Variants in NLK observed in about 807,000 individuals in gnomAD.
The protein encoded by NLK is nemo like kinase, also known as serine/threonine-protein kinase NLK.
NLK carries 11 observed loss-of-function variants against 59.0 expected under a neutral mutation model. The ratio of observed to expected loss-of-function variants is 0.19; its 90% CI spans 0.12 to 0.31. The LOEUF (loss-of-function observed/expected upper bound fraction) is 0.31. Among genes scored for constraint, NLK ranks in the 10% least tolerant of loss-of-function variants. The pLI, the probability that NLK is intolerant of heterozygous loss-of-function variation, is 1.00. For synonymous variants in NLK, 235 were observed against 235.9 expected (o/e 1.00, Z 0.03); for missense variants, 410 against 661.1 (o/e 0.62, Z 4.16).
intron 1 of NLK, 53 bp from the exon 2 acceptor site, chr17:28,122,550 G>A: frequency 6.3e-7 from 1 of 1,596,388 alleles, no homozygotes; most frequent in Non-Finnish European, 8.6e-7. Context: ...AACAAGGTGT[G>A]GAACTGATTT....
At chr17:28,124,514 G>C (rs1328480942) in intron 2 of NLK, among the ~76,000 whole-genome samples, 1 of 151,804 alleles carries the variant, frequency 6.6e-6, no homozygotes. Context: ...TGCAGAGCAG[G>C]ACTCCATCTC....
At chr17:28,073,469 T>A (rs1253502131) in intron 1 of NLK, among the ~76,000 whole-genome samples, 1 of 152,220 alleles carries the variant, frequency 6.6e-6, no homozygotes, top group African/African-American at 2.4e-5. Flanking sequence ...TATATTTCTT[T>A]CTTGTTTCTG....
chr17:28,042,863 A>G lies in NLK; in HGVS notation c.-11A>G, dbSNP rs1209456237. On this transcript the variant is annotated 5_prime_UTR_variant, in exon 1 of 11. Coordinates refer to ENST00000407008, the MANE Select transcript of NLK (RefSeq NM_016231.5). ...CCAGTTTGCTTTCCAATCAAAGGGC[A>G]TTTATTTTGAATGTCTCTTTGTGGC... 6.7e-7 allele frequency: 1 copy of G among 1,482,040 alleles called. No homozygotes were observed. The highest frequency in any genetic ancestry group is 2.3e-5 in the Admixed American group (1 of 43,256). The allele number at this position is 1,482,040 out of a possible 1,614,324, so 91.8% of individuals were successfully genotyped here.
intron 3 of NLK, among the ~76,000 whole-genome samples, chr17:28,156,464 G>A (rs1467622837): frequency 6.6e-6 from 1 of 152,010 alleles, no homozygotes; most frequent in African/African-American, 2.4e-5. Context: ...TTTGAATAAG[G>A]TTCTAAACAA....
At chr17:28,146,840 C>G (rs1907276320) in intron 3 of NLK, among the ~76,000 whole-genome samples, 1 of 152,110 alleles carries the variant, frequency 6.6e-6, no homozygotes, top group Non-Finnish European at 1.5e-5. Context: ...CACACTAAGA[C>G]CTTTGACTAA....
chr17:28,201,458 A>T, the NLK span, among the ~76,000 whole-genome samples: 1 of 149,220 alleles, frequency 6.7e-6, no homozygotes, highest in East Asian at 2.0e-4. Context: ...GAGGAAGAAT[A>T]GCTTGAACCC....
At chr17:28,186,804 G>A (rs998751842) in intron 8 of NLK, among the ~76,000 whole-genome samples, 8 of 152,174 alleles carry the variant, frequency 5.3e-5, no homozygotes, top group African/African-American at 1.4e-4. Context: ...TGAGATTTGG[G>A]TGGGGACACA....
intron 3 of NLK, among the ~76,000 whole-genome samples, chr17:28,145,190 T>A (rs1197998455): frequency 6.6e-6 from 1 of 152,190 alleles, no homozygotes; most frequent in South Asian, 2.1e-4. Context: ...AAAGAAAATA[T>A]GATTTGCATG....
chr17:28,126,182 A>G (rs1906282215), intron 2 of NLK, among the ~76,000 whole-genome samples: 1 of 152,250 alleles, frequency 6.6e-6, no homozygotes, highest in African/African-American at 2.4e-5. Flanking sequence ...ATGGTTAAAC[A>G]TTAAGCCAGG....
At chr17:28,156,919 G>GT (rs1311361747) in intron 3 of NLK, among the ~76,000 whole-genome samples, 6 of 151,840 alleles carry the variant, frequency 4.0e-5, no homozygotes, top group South Asian at 2.1e-4. Context: ...CAAAACCGTG[G>GT]TTTTTTTTCT....
At chr17:28,199,401 C>G (rs1022013125), downstream of NLK, among the ~76,000 whole-genome samples, 3 of 152,064 alleles carry the variant, frequency 2.0e-5, no homozygotes, top group Non-Finnish European at 4.4e-5. Flanking sequence ...TGCAGTGGCT[C>G]ACACCTATAA....
At position 28,185,276 on chromosome 17, in the gene NLK, T is replaced by TC; in HGVS notation, c.1236+11_1236+12insC. 1 of 1,450,582 alleles carries TC rather than the reference T, an allele frequency of 6.9e-7. No individual in the cohort carries two copies. 89.9% of individuals were successfully genotyped at this position (1,450,582 alleles called of 1,614,324 possible). A position where few individuals can be genotyped will look rare whatever the true frequency, so the allele number is the denominator to read the frequency against. On this transcript the variant is annotated intron_variant, in intron 8 of 10. Coordinates refer to ENST00000407008, the MANE Select transcript of NLK (RefSeq NM_016231.5). ...TTGGTCTTTGATCCAGTAAGTAGTG[T>TC]TTTTTTTTATATATTTTTAATGAAT...
intron 1 of NLK, among the ~76,000 whole-genome samples, chr17:28,055,634 T>A (rs1414181764): frequency 1.3e-5 from 2 of 152,212 alleles, no homozygotes; most frequent in Non-Finnish European, 2.9e-5. Flanking sequence ...CATGAGCCAC[T>A]GTGTCTGGCT....
At chr17:28,188,540 C>T (rs551343684) in intron 8 of NLK, among the ~76,000 whole-genome samples, 2 of 152,274 alleles carry the variant, frequency 1.3e-5, no homozygotes, top group East Asian at 1.9e-4. Context: ...TGCAGTGGCA[C>T]GATCTCCGCT....
intron 7 of NLK, among the ~76,000 whole-genome samples, chr17:28,179,501 C>T (rs1234433964): frequency 6.6e-6 from 1 of 152,118 alleles, no homozygotes; most frequent in Non-Finnish European, 1.5e-5. Flanking sequence ...GAGGCCAAGG[C>T]AGGCAAATCA....
chr17:28,115,613 T>C (rs1002010484), intron 1 of NLK, among the ~76,000 whole-genome samples: 3 of 152,332 alleles, frequency 2.0e-5, no homozygotes. Context: ...TCAAGTGTTT[T>C]AGCTGTCCTT....
intron 3 of NLK, among the ~76,000 whole-genome samples, chr17:28,135,529 A>G (rs911268850): frequency 3.9e-5 from 6 of 152,188 alleles, no homozygotes; most frequent in Non-Finnish European, 7.4e-5. Context: ...CTAAGATACT[A>G]TTGTCAGGTG....
chr17:28,091,311 G>A (rs998573510), intron 1 of NLK, among the ~76,000 whole-genome samples: 7 of 152,080 alleles, frequency 4.6e-5, no homozygotes, highest in Non-Finnish European at 1.0e-4. Flanking sequence ...ATGGTAAACT[G>A]GGACAGATTC....
At chr17:28,139,739 A>G (rs1232376787) in intron 3 of NLK, among the ~76,000 whole-genome samples, 3 of 152,212 alleles carry the variant, frequency 2.0e-5, no homozygotes, top group Non-Finnish European at 4.4e-5. Flanking sequence ...AACTTGTCCA[A>G]CGTCACTTAG....
Sources: gnomAD v4.1 joint callset for allele counts (sites outside exome capture counted in the v4.1 genomes callset) on GRCh38, gnomAD v4.1.1 for gene constraint, MANE v1.5 for transcripts, NCBI Gene and HGNC (gene_info 2026-07-23, HGNC 2026-07-21) for gene names.